The following LRMDA variants were observed in gnomAD, a reference collection of about 807,000 sequenced individuals.
The protein encoded by LRMDA is leucine-rich melanocyte differentiation-associated protein.
Under a neutral mutation model 29.8 loss-of-function variants are expected in LRMDA, and 18 were observed. The observed-to-expected ratio is 0.60, with a 90% CI of 0.42 to 0.90. The LOEUF (loss-of-function observed/expected upper bound fraction) is 0.90. LRMDA is among the 40% of genes least tolerant of loss of function. The probability of loss-of-function intolerance (pLI) is 0.00; values close to 1 mark genes in which losing one functional copy is unlikely to be tolerated. For missense variants in LRMDA, 273 were observed against 273.9 expected, an observed-to-expected ratio of 1.00 and a Z score of 0.02; for synonymous variants, 125 against 109.4, an observed-to-expected ratio of 1.14 and a Z score of -0.89.
chr10:75,961,068 A>G (rs1589268001), intron 2 of LRMDA, among the ~76,000 whole-genome samples: 1 of 152,204 alleles, frequency 6.6e-6, no homozygotes, highest in East Asian at 1.9e-4. Flanking sequence ...TGGAGCTCAT[A>G]TGAACAAAGA....
intron 2 of LRMDA, among the ~76,000 whole-genome samples, chr10:75,733,557 C>A (rs566646321): frequency 2.4e-4 from 37 of 152,172 alleles, no homozygotes; most frequent in African/African-American, 8.7e-4. Context: ...CCACACAGAG[C>A]AAACAAAAAT....
chr10:75,710,293 A>C (rs932271350), intron 2 of LRMDA, among the ~76,000 whole-genome samples: 1 of 152,178 alleles, frequency 6.6e-6, no homozygotes, highest in Non-Finnish European at 1.5e-5. Context: ...TCTCAGCTGG[A>C]TATCTATCAA....
intron 2 of LRMDA, among the ~76,000 whole-genome samples, chr10:75,768,939 G>C (rs960730204): frequency 6.6e-6 from 1 of 152,074 alleles, no homozygotes; most frequent in African/African-American, 2.4e-5. Flanking sequence ...TTCTTGATTT[G>C]GCCAGGGCCT....
chr10:76,317,722 C>T (rs1156358863), intron 5 of LRMDA, among the ~76,000 whole-genome samples: 2 of 152,004 alleles, frequency 1.3e-5, no homozygotes, highest in East Asian at 1.9e-4. Context: ...TACAGGTGCC[C>T]GCCACCACAC....
intron 2 of LRMDA, among the ~76,000 whole-genome samples, chr10:75,571,310 A>T (rs189941856): frequency 1.7e-4 from 26 of 152,292 alleles, no homozygotes; most frequent in Admixed American, 1.1e-3. Context: ...AGGTTCTTTT[A>T]AAAAATTTCC....
intron 2 of LRMDA, among the ~76,000 whole-genome samples, chr10:75,725,884 C>G (rs1338269310): frequency 1.3e-5 from 2 of 152,028 alleles, no homozygotes; most frequent in African/African-American, 4.8e-5. Flanking sequence ...TTTCTAGAAC[C>G]CTAGAGTAGA....
At chr10:75,432,362 G>A (rs1844209812) in intron 1 of LRMDA, among the ~76,000 whole-genome samples, 1 of 152,174 alleles carries the variant, frequency 6.6e-6, no homozygotes, top group South Asian at 2.1e-4. Context: ...TTCCACACTC[G>A]ATTTCTTGAA....
At chr10:75,551,636 A>G (rs1840151859) in intron 2 of LRMDA, among the ~76,000 whole-genome samples, 1 of 152,110 alleles carries the variant, frequency 6.6e-6, no homozygotes, top group South Asian at 2.1e-4. Context: ...TTCCAGCGTC[A>G]TGCATGTCCC....
intron 2 of LRMDA, among the ~76,000 whole-genome samples, chr10:75,589,429 G>C (rs1840694049): frequency 6.6e-6 from 1 of 151,946 alleles, no homozygotes; most frequent in African/African-American, 2.4e-5. Context: ...CATATCCTTT[G>C]CCCATTTTTC....
At chr10:75,517,321 C>T (rs1297398117) in intron 2 of LRMDA, among the ~76,000 whole-genome samples, 2 of 152,096 alleles carry the variant, frequency 1.3e-5, no homozygotes, top group East Asian at 3.8e-4. Flanking sequence ...ATTGATTCTT[C>T]CTATCCTTGA....
At chr10:75,957,419 A>G (rs1270431544) in intron 2 of LRMDA, among the ~76,000 whole-genome samples, 1 of 152,232 alleles carries the variant, frequency 6.6e-6, no homozygotes, top group East Asian at 1.9e-4. Context: ...TCCAGTGAGT[A>G]CCGAGGCATT....
chr10:76,236,914 A>G (rs149917413), intron 5 of LRMDA, among the ~76,000 whole-genome samples: 2 of 152,384 alleles, frequency 1.3e-5, no homozygotes, highest in East Asian at 3.9e-4. Flanking sequence ...TTTCAAAGCT[A>G]TGCTAACATC....
intron 2 of LRMDA, among the ~76,000 whole-genome samples, chr10:75,609,199 A>G (rs1840997095): frequency 6.6e-6 from 1 of 152,118 alleles, no homozygotes; most frequent in Non-Finnish European, 1.5e-5. Flanking sequence ...TAGAAACAGG[A>G]GGCTCCAAAG....
intron 4 of LRMDA, among the ~76,000 whole-genome samples, chr10:76,055,966 G>A (rs1391506639): frequency 6.6e-6 from 1 of 152,230 alleles, no homozygotes. Context: ...TTTCAGCCCT[G>A]TTTGTGTTAC....
intron 2 of LRMDA, among the ~76,000 whole-genome samples, chr10:75,680,196 C>T (rs1842007632): frequency 6.6e-6 from 1 of 152,238 alleles, no homozygotes; most frequent in Non-Finnish European, 1.5e-5. Context: ...ATTTGAATCT[C>T]ATTAGCCTGA....
intron 5 of LRMDA, among the ~76,000 whole-genome samples, chr10:76,313,987 A>C (rs1021106676): frequency 1.3e-5 from 2 of 152,166 alleles, no homozygotes; most frequent in African/African-American, 4.8e-5. Flanking sequence ...ACTGGATAAT[A>C]GTTTTTGAAT....
At chr10:75,765,628 AGGGCATGATTGATTCTGCACAGT>A (rs1470572406) in intron 2 of LRMDA, among the ~76,000 whole-genome samples, 6 of 152,232 alleles carry the variant, frequency 3.9e-5, no homozygotes, top group African/African-American at 1.4e-4. Context: ...TCTGTGCAGA[AGGGCATGATTGATTCTGCACAGT>A]GGTGGCTATA....
rs112216753 is a variant in LRMDA, at chr10:76,484,726, G to A, written c.602-72483G>A. On this transcript the variant is annotated intron_variant, in intron 6 of 6. Transcript: ENST00000611255. ...GACAATCATGTCATACACAGATAGA[G>A]ACATATTATATCTAACTTAATTGGA... Among the ~76,000 whole-genome samples the A allele has an allele frequency of 2.7e-3, 416 of 151,994 alleles. 1 individual carries two copies. The highest frequency in any genetic ancestry group is 4.1e-3 in the Non-Finnish European group (276 of 67,874).
intron 2 of LRMDA, among the ~76,000 whole-genome samples, chr10:75,492,779 T>G (rs1367353449): frequency 6.6e-6 from 1 of 152,230 alleles, no homozygotes; most frequent in Non-Finnish European, 1.5e-5. Context: ...CCAAAAATAT[T>G]TTTGATACAA....
Sources: allele counts gnomAD v4.1 joint callset (sites outside exome capture counted in the v4.1 genomes callset), GRCh38; gene constraint gnomAD v4.1.1; transcripts MANE v1.5; gene names NCBI Gene and HGNC (gene_info 2026-07-23, HGNC 2026-07-21).